The following NR3C2 variants were observed in gnomAD, a reference collection of about 807,000 sequenced individuals.
NR3C2 encodes the protein mineralocorticoid receptor.
NR3C2 carries 15 observed loss-of-function variants against 86.4 expected under a neutral mutation model. The ratio of observed to expected loss-of-function variants is 0.17; its 90% CI spans 0.12 to 0.27. The LOEUF (loss-of-function observed/expected upper bound fraction) is 0.27. Among genes scored for constraint, NR3C2 ranks in the 10% least tolerant of loss-of-function variants. The pLI is 1.00. For synonymous variants in NR3C2, 458 were observed against 450.5 expected, an observed-to-expected ratio of 1.02 and a Z score of -0.21; for missense variants, 960 against 1,195.6, an observed-to-expected ratio of 0.80 and a Z score of 2.91.
chr4:148,287,433 T>C (rs935718515), intron 2 of NR3C2, among the ~76,000 whole-genome samples: 8 of 152,180 alleles, frequency 5.3e-5, no homozygotes, highest in African/African-American at 1.9e-4. Context: ...GGCTTTTAGA[T>C]TTATATAATT....
chr4:148,395,485 C>G (rs769609554), intron 2 of NR3C2, among the ~76,000 whole-genome samples: 35 of 152,156 alleles, frequency 2.3e-4, no homozygotes, highest in Non-Finnish European at 4.4e-4. Context: ...CTAACCTGAA[C>G]AGATGCACTT....
intron 6 of NR3C2, among the ~76,000 whole-genome samples, chr4:148,130,782 A>T (rs1732983457): frequency 6.7e-6 from 1 of 148,214 alleles, no homozygotes; most frequent in Non-Finnish European, 1.5e-5. Flanking sequence ...CCTCTCAATG[A>T]ACACGTTTTT....
chr4:148,247,955 G>C (rs1489983362), intron 3 of NR3C2, among the ~76,000 whole-genome samples: 1 of 152,050 alleles, frequency 6.6e-6, no homozygotes, highest in Non-Finnish European at 1.5e-5. Flanking sequence ...GGTTACATTA[G>C]GCAAAGGTCA....
chr4:148,136,056 C>CAAAAAAA (rs199716496), intron 6 of NR3C2, among the ~76,000 whole-genome samples: 8 of 71,196 alleles, frequency 1.1e-4, no homozygotes, highest in African/African-American at 4.7e-4. Context: ...GACTCCGTCT[C>CAAAAAAA]AAAAAAAAAA....
At chr4:148,197,563 T>C (rs942214648) in intron 3 of NR3C2, among the ~76,000 whole-genome samples, 13 of 152,160 alleles carry the variant, frequency 8.5e-5, no homozygotes, top group African/African-American at 2.7e-4. Context: ...CACTGTCTTA[T>C]GAACACATTG....
At chr4:148,353,831 A>AG (rs1272813643) in intron 2 of NR3C2, among the ~76,000 whole-genome samples, 2 of 152,186 alleles carry the variant, frequency 1.3e-5, no homozygotes, top group African/African-American at 4.8e-5. Context: ...TTTGCAGGAC[A>AG]GAGTTTCACC....
At chr4:148,105,930 G>A (rs1463784929) in intron 8 of NR3C2, among the ~76,000 whole-genome samples, 2 of 152,128 alleles carry the variant, frequency 1.3e-5, no homozygotes, top group Admixed American at 6.5e-5. Flanking sequence ...CATACTGAAT[G>A]GGCAAAAGCT....
Position 148,247,184 on chromosome 4 carries a change from T to C in NR3C2, c.1897+12794A>G, listed in dbSNP as rs932796778. 4.6e-5 allele frequency among the ~76,000 whole-genome samples: 7 copies of C among 152,204 alleles called. 1 individual carries two copies. In the East Asian group the frequency reaches 1.3e-3, roughly 29 times the overall value. On this transcript the variant is annotated intron_variant, in intron 3 of 8. Transcript: ENST00000358102. ...TACTTTTCGATGTGCCACCTCACGATGGGAAATGTAATTTGCTCAAATTTT... is the reference window on the plus strand; with the variant it reads ...TACTTTTCGATGTGCCACCTCACGACGGGAAATGTAATTTGCTCAAATTTT...
At chr4:148,357,397 C>A (rs1477286663) in intron 2 of NR3C2, among the ~76,000 whole-genome samples, 1 of 152,178 alleles carries the variant, frequency 6.6e-6, no homozygotes. Flanking sequence ...CCTCTGTAGT[C>A]AGAGAATCAG....
chr4:148,114,732 T>C (rs1459288162), intron 7 of NR3C2, among the ~76,000 whole-genome samples: 1 of 152,202 alleles, frequency 6.6e-6, no homozygotes, highest in Non-Finnish European at 1.5e-5. Context: ...TTCAAGATAG[T>C]AAAATATATT....
intron 6 of NR3C2, among the ~76,000 whole-genome samples, chr4:148,135,750 C>T (rs1733273142): frequency 1.3e-5 from 2 of 152,034 alleles, no homozygotes; most frequent in Admixed American, 1.3e-4. Flanking sequence ...GAAGTTCATA[C>T]TGAAGTTTAA....
chr4:148,253,568 T>C (rs1322140644), intron 3 of NR3C2, among the ~76,000 whole-genome samples: 1 of 152,190 alleles, frequency 6.6e-6, no homozygotes. Flanking sequence ...TCCACTTTCA[T>C]GGATGATGAT....
intron 2 of NR3C2, among the ~76,000 whole-genome samples, chr4:148,415,654 C>G (rs1748955492): frequency 6.6e-6 from 1 of 152,142 alleles, no homozygotes; most frequent in South Asian, 2.1e-4. Flanking sequence ...CAAATGTATC[C>G]ATGAAGCCTA....
chr4:148,111,291 A>G (rs1197477091), intron 8 of NR3C2, among the ~76,000 whole-genome samples: 1 of 152,186 alleles, frequency 6.6e-6, no homozygotes, highest in African/African-American at 2.4e-5. Context: ...CTATGCAGCT[A>G]TTAGAATGGC....
At chr4:148,375,961 A>G (rs559262518) in intron 2 of NR3C2, among the ~76,000 whole-genome samples, 7 of 152,200 alleles carry the variant, frequency 4.6e-5, no homozygotes, top group Non-Finnish European at 8.8e-5. Flanking sequence ...AGTCACCAAT[A>G]CAAAATCAAT....
chr4:148,219,755 T>C (rs765881847), intron 3 of NR3C2, among the ~76,000 whole-genome samples: 13 of 152,348 alleles, frequency 8.5e-5, no homozygotes, highest in Middle Eastern at 6.8e-3. Flanking sequence ...AACGGCATTT[T>C]CTCATTATTT....
chr4:148,201,468 C>G (rs1736717045), intron 3 of NR3C2, among the ~76,000 whole-genome samples: 2 of 152,126 alleles, frequency 1.3e-5, no homozygotes. Flanking sequence ...ATGTGAAGGA[C>G]AATATGCTTA....
intron 2 of NR3C2, among the ~76,000 whole-genome samples, chr4:148,428,785 A>G (rs1373610118): frequency 2.0e-5 from 3 of 152,064 alleles, no homozygotes; most frequent in African/African-American, 7.2e-5. Flanking sequence ...CAGCTGAAAT[A>G]ATTTCTTAAC....
chr4:148,272,161 T>C (rs1220840785), intron 2 of NR3C2, among the ~76,000 whole-genome samples: 1 of 152,144 alleles, frequency 6.6e-6, no homozygotes, highest in Non-Finnish European at 1.5e-5. Flanking sequence ...TATGAGGGAA[T>C]AGCAAGGGGT....
Sources: allele counts gnomAD v4.1 joint callset (sites outside exome capture counted in the v4.1 genomes callset), GRCh38; gene constraint gnomAD v4.1.1; transcripts MANE v1.5; gene names NCBI Gene and HGNC (gene_info 2026-07-23, HGNC 2026-07-21).